Variants in RBBP8NL observed in about 807,000 individuals in gnomAD.
RBBP8NL encodes RBBP8 N-terminal like.
A neutral mutation model predicts 62.2 loss-of-function variants in RBBP8NL; 59 were observed. That is an observed-to-expected ratio of 0.95 (90% CI 0.77 to 1.18). The LOEUF (loss-of-function observed/expected upper bound fraction) is 1.18. Among genes scored for constraint, RBBP8NL ranks in the 50% most tolerant of loss-of-function variants. The pLI is 0.00. For synonymous variants in RBBP8NL, 412 were observed against 394.1 expected (o/e 1.05, Z -0.54); for missense variants, 896 against 899.5 (o/e 1.00, Z 0.05).
At chr20:62,425,431 G>A (rs1466540560) in intron 1 of RBBP8NL, among the ~76,000 whole-genome samples, 2 of 152,202 alleles carry the variant, frequency 1.3e-5, no homozygotes, top group East Asian at 3.8e-4. Context: ...TGGGCTCACG[G>A]CATCTCTGTG....
intron 9 of RBBP8NL, 131 bp from the exon 10 acceptor site, chr20:62,414,687 G>A (rs1297751175): frequency 1.9e-6 from 2 of 1,065,918 alleles, no homozygotes; most frequent in Non-Finnish European, 2.5e-6. Flanking sequence ...GGTGCAGCAA[G>A]CTGCATGGGT....
intron 5 of RBBP8NL, 53 bp from the exon 6 acceptor site, chr20:62,416,289 A>AGGGGGGCG: frequency 5.1e-5 from 6 of 117,568 alleles, no homozygotes; most frequent in East Asian, 3.8e-4. Flanking sequence ...GGACAGGGGC[A>AGGGGGGCG]GGGGTGGGGT....
chr20:62,418,527 C>T, intron 2 of RBBP8NL, 62 bp from the exon 3 acceptor site: 2 of 1,463,944 alleles, frequency 1.4e-6, no homozygotes, highest in Non-Finnish European at 1.9e-6. Flanking sequence ...TTCAGTGTCC[C>T]CACCACGGGG....
Position 62,417,326 on chromosome 20 carries a change from TG to T in RBBP8NL, c.105-8del. 1 of 1,580,032 alleles carries T rather than the reference TG, an allele frequency of 6.3e-7. No homozygotes were observed. The highest frequency in any genetic ancestry group is 8.6e-7 in the Non-Finnish European group (1 of 1,164,684). Reference sequence around the variant, plus strand: ...CTCGATCCTCTGGGCGTCCCTGTGGTGGGAAACAGCTAAAGTGGGGTCCTGT... The same window carrying T: ...CTCGATCCTCTGGGCGTCCCTGTGGTGGAAACAGCTAAAGTGGGGTCCTGT... On this transcript the variant is annotated splice_region_variant and splice_polypyrimidine_tract_variant and intron_variant, in intron 3 of 13. Transcript: ENST00000252998.
chr20:62,418,303 T>A, intron 3 of RBBP8NL, 120 bp downstream of exon 3: 1 of 1,009,958 alleles, frequency 9.9e-7, no homozygotes, highest in East Asian at 2.6e-5. Flanking sequence ...GCCCCCACAC[T>A]GAGCCTCAGT....
intron 2 of RBBP8NL, 69 bp from the exon 3 acceptor site, chr20:62,418,534 G>C (rs924507461): frequency 6.9e-7 from 1 of 1,440,152 alleles, no homozygotes; most frequent in Non-Finnish European, 9.5e-7. Flanking sequence ...TCCCCACCAC[G>C]GGGTCTGGGC....
chr20:62,411,843 T>C (rs1182897661), intron 13 of RBBP8NL, among the ~76,000 whole-genome samples: 1 of 152,236 alleles, frequency 6.6e-6, no homozygotes, highest in Non-Finnish European at 1.5e-5. Flanking sequence ...TGGTCTCTAC[T>C]GCCGCTCCGG....
chr20:62,416,929 T>C, intron 4 of RBBP8NL, 57 bp from the exon 5 acceptor site: 1 of 1,321,436 alleles, frequency 7.6e-7, no homozygotes, highest in Non-Finnish European at 1.0e-6. Flanking sequence ...ACAGAGGGCC[T>C]GGGACACTCA....
chr20:62,417,344 G>C, intron 3 of RBBP8NL, 25 bp from the exon 4 acceptor site: 1 of 1,559,694 alleles, frequency 6.4e-7, no homozygotes, highest in Admixed American at 1.9e-5. Flanking sequence ...AGCTAAAGTG[G>C]GGTCCTGTTC....
At position 62,416,155 on chromosome 20, in the gene RBBP8NL, C is replaced by T. The variant is rs1472051680; in HGVS notation, c.386+9G>A. The stretch of plus-strand genomic sequence containing the variant: ...GGGTGTCTGAGCCCTGGGACCCTTT[C>T]CCACTCACCCCAGGCCCCGAAGCCG... On this transcript the variant is annotated intron_variant, in intron 6 of 13. Coordinates refer to ENST00000252998, the MANE Select transcript of RBBP8NL (RefSeq NM_080833.3). 2.5e-6 allele frequency: 4 copies of T among 1,609,928 alleles called. No individual in the cohort carries two copies. Among genetic ancestry groups the T allele is most frequent in the East Asian group, 2.2e-5 (1 of 44,850 alleles).
At chr20:62,426,798 C>T (rs545946912) in intron 1 of RBBP8NL, among the ~76,000 whole-genome samples, 2 of 152,362 alleles carry the variant, frequency 1.3e-5, no homozygotes, top group African/African-American at 4.8e-5. Context: ...CGCGTGCGCC[C>T]GTGCACTCGT....
intron 9 of RBBP8NL, among the ~76,000 whole-genome samples, chr20:62,414,851 G>T (rs984058987): frequency 1.3e-5 from 2 of 152,202 alleles, no homozygotes; most frequent in African/African-American, 2.4e-5. Context: ...TCGGCCCCCT[G>T]CTCCTCACCT....
chr20:62,413,692 C>T (rs924433478), intron 10 of RBBP8NL, 129 bp downstream of exon 10: 5 of 1,416,426 alleles, frequency 3.5e-6, no homozygotes, highest in African/African-American at 2.9e-5. Flanking sequence ...GAGGCAGCCT[C>T]GCTTTCTCCC....
chr20:62,423,659 C>G (rs1312270877), intron 1 of RBBP8NL, among the ~76,000 whole-genome samples: 1 of 152,220 alleles, frequency 6.6e-6, no homozygotes, highest in Admixed American at 6.5e-5. Flanking sequence ...GGGCTTCCTT[C>G]CCAGTGAAGT....
At chr20:62,427,436 G>A (rs1283173566) in intron 1 of RBBP8NL, 24 bp downstream of exon 1, 1 of 152,322 alleles carries the variant, frequency 6.6e-6, no homozygotes, top group Non-Finnish European at 1.5e-5. Flanking sequence ...TGGGTGGCCT[G>A]GCCCCGGGGT....
At position 62,410,961 on chromosome 20, in the gene RBBP8NL, TCA is replaced by T. The variant is rs1988420107; in HGVS notation, c.1910_1911del (p.Leu637HisfsTer4). ...GGGCTCCCGGGCCCCTCAGTGGCTG[TCA>T]GTTTCCTTCTCCCTCTGGATGGCTT... is the stretch of plus-strand genomic sequence containing the variant. ...SKKPSRGRRK[L>X]TATEGPGSPR... On this transcript the variant is annotated frameshift_variant, in exon 14 of 14. Transcript: ENST00000252998. LOFTEE classifies it low-confidence loss of function (END_TRUNC). 1.2e-6 allele frequency: 2 copies of T among 1,613,520 alleles called. No homozygotes were observed. The highest frequency in any genetic ancestry group is 2.7e-5 in the African/African-American group (2 of 74,930).
intron 1 of RBBP8NL, among the ~76,000 whole-genome samples, chr20:62,426,261 C>T (rs1988806700): frequency 6.6e-6 from 1 of 152,230 alleles, no homozygotes; most frequent in Non-Finnish European, 1.5e-5. Context: ...GTGTCAAGCA[C>T]CACACCAGGC....
At chr20:62,423,311 C>T (rs1166074974) in intron 1 of RBBP8NL, among the ~76,000 whole-genome samples, 1 of 152,226 alleles carries the variant, frequency 6.6e-6, no homozygotes, top group Non-Finnish European at 1.5e-5. Flanking sequence ...TTGTGCCCAG[C>T]TCCTGGGGCT....
chr20:62,424,097 G>C (rs1472550385), intron 1 of RBBP8NL, among the ~76,000 whole-genome samples: 3 of 151,916 alleles, frequency 2.0e-5, no homozygotes, highest in Admixed American at 6.6e-5. Flanking sequence ...AGGCTCATGG[G>C]GGGCTTCACA....
Sources: allele counts gnomAD v4.1 joint callset (sites outside exome capture counted in the v4.1 genomes callset), GRCh38; gene constraint gnomAD v4.1.1; transcripts MANE v1.5; gene names NCBI Gene and HGNC (gene_info 2026-07-23, HGNC 2026-07-21).